Variants in ADAMTSL3 observed in about 807,000 individuals in gnomAD.
ADAMTSL3 encodes ADAMTS-like protein 3.
In ADAMTSL3, 128 loss-of-function variants were observed where a neutral mutation model predicts 201.7. That is an observed-to-expected ratio of 0.63 (90% CI 0.55 to 0.73). The LOEUF (loss-of-function observed/expected upper bound fraction) is 0.73. Ranked by LOEUF, ADAMTSL3 falls within the 30% of genes least tolerant of loss-of-function variation. The probability of loss-of-function intolerance (pLI) is 0.00; values close to 1 mark genes in which losing one functional copy is unlikely to be tolerated. For missense variants in ADAMTSL3, 1,990 were observed against 2,119.6 expected (o/e 0.94, Z 1.20); for synonymous variants, 738 against 748.4 (o/e 0.99, Z 0.23).
intron 2 of ADAMTSL3, among the ~76,000 whole-genome samples, chr15:83,661,589 T>C (rs2061164822): frequency 6.6e-6 from 1 of 152,194 alleles, no homozygotes; most frequent in African/African-American, 2.4e-5. Flanking sequence ...TGTTTGTCTT[T>C]TGTTGGTGTA....
chr15:83,773,743 G>A (rs752920159), intron 4 of ADAMTSL3, 93 bp downstream of exon 4: 2 of 1,428,006 alleles, frequency 1.4e-6, no homozygotes, highest in African/African-American at 1.4e-5. Flanking sequence ...GCTTTGGAAT[G>A]TACTGTGATG....
intron 24 of ADAMTSL3, among the ~76,000 whole-genome samples, chr15:84,016,182 A>G (rs1278395131): frequency 6.6e-6 from 1 of 152,170 alleles, no homozygotes; most frequent in African/African-American, 2.4e-5. Flanking sequence ...TAGCACAGTG[A>G]GTAACTCTAA....
intron 2 of ADAMTSL3, among the ~76,000 whole-genome samples, chr15:83,679,003 G>A (rs1490828747): frequency 6.6e-6 from 1 of 150,616 alleles, no homozygotes; most frequent in African/African-American, 2.4e-5. Flanking sequence ...GGCCTCAGAT[G>A]TTCTGTTTAT....
chr15:83,815,975 T>C (rs565729062), intron 5 of ADAMTSL3, among the ~76,000 whole-genome samples: 170 of 152,332 alleles, frequency 1.1e-3, no homozygotes, highest in African/African-American at 3.9e-3. Context: ...TAGCATCATA[T>C]GCTAAGAACA....
intron 13 of ADAMTSL3, among the ~76,000 whole-genome samples, chr15:83,895,370 C>A (rs2065590943): frequency 6.6e-6 from 1 of 152,164 alleles, no homozygotes; most frequent in Admixed American, 6.5e-5. Context: ...TAAGTCCTAG[C>A]CATATGTTTT....
At chr15:83,965,363 A>G (rs2067061875) in intron 19 of ADAMTSL3, among the ~76,000 whole-genome samples, 1 of 151,664 alleles carries the variant, frequency 6.6e-6, no homozygotes, top group South Asian at 2.1e-4. Context: ...AAAAAAAAAA[A>G]AAAAAGCAGG....
At chr15:83,965,012 C>T (rs139997276) in intron 19 of ADAMTSL3, among the ~76,000 whole-genome samples, 13,110 of 152,112 alleles carry the variant, frequency 0.086, 992 homozygotes, top group South Asian at 0.34. Flanking sequence ...TACAAGAGCT[C>T]CTGAAGGAAG....
At position 83,733,523 on chromosome 15, in the gene ADAMTSL3, T is replaced by A. The variant is rs148927172; in HGVS notation, c.189+29015T>A. Among the ~76,000 whole-genome samples the A allele has an allele frequency of 4.3e-4, 66 of 152,216 alleles. 1 individual carries two copies. In the East Asian group the frequency reaches 0.012, roughly 28 times the overall value. ...TTGGCATTTTTGTGGGCTGTGTGCA[T>A]TACATGGGTGGAATTTAATGTCATT... On this transcript the variant is annotated intron_variant, in intron 3 of 29. Coordinates refer to ENST00000286744, the MANE Select transcript of ADAMTSL3 (RefSeq NM_207517.3).
At chr15:83,723,853 C>A (rs913079328) in intron 3 of ADAMTSL3, among the ~76,000 whole-genome samples, 2 of 151,994 alleles carry the variant, frequency 1.3e-5, no homozygotes, top group African/African-American at 4.8e-5. Flanking sequence ...ATACTTTGAT[C>A]ATTAAAATAT....
At position 83,690,630 on chromosome 15, in the gene ADAMTSL3, T is replaced by C. The variant is rs559491999; in HGVS notation, c.70-13759T>C. ...TGTTCTTCCCTGTCTTGGATAGTCC[T>C]TGTCACATAGCTTCAGAATTGCCTA... On this transcript the variant is annotated intron_variant, in intron 2 of 29. Coordinates refer to ENST00000286744, the MANE Select transcript of ADAMTSL3 (RefSeq NM_207517.3). 2.6e-5 allele frequency among the ~76,000 whole-genome samples: 4 copies of C among 152,340 alleles called. No individual in the cohort carries two copies. The East Asian group carries it at 7.7e-4, about 29-fold the overall frequency.
At chr15:83,950,420 T>C (rs149413869) in intron 19 of ADAMTSL3, among the ~76,000 whole-genome samples, 481 of 152,290 alleles carry the variant, frequency 3.2e-3, no homozygotes, top group Non-Finnish European at 4.8e-3. Flanking sequence ...CTCTGTAGTA[T>C]AATTTGAAGT....
rs934323569 is a variant in ADAMTSL3 at position 83,858,727 on chromosome 15, G to A, written c.728-39G>A. 1.2e-5 allele frequency: 18 copies of A among 1,523,948 alleles called. No homozygotes were observed. The East Asian group carries it at 2.0e-4, about 17-fold the overall frequency. The allele number at this position is 1,523,948 out of a possible 1,614,324, so 94.4% of individuals were successfully genotyped here. A position where few individuals can be genotyped will look rare whatever the true frequency, so the allele number is the denominator to read the frequency against. ...TTGCTCATTTTCATGGGCCTTTAGT[G>A]TACTGGTTTTATTGCAGTTGCGTTC... On this transcript the variant is annotated intron_variant, in intron 7 of 29. Coordinates refer to ENST00000286744, the MANE Select transcript of ADAMTSL3 (RefSeq NM_207517.3).
intron 15 of ADAMTSL3, among the ~76,000 whole-genome samples, chr15:83,912,489 C>T (rs2065951651): frequency 1.3e-5 from 2 of 152,122 alleles, no homozygotes; most frequent in African/African-American, 4.8e-5. Context: ...AGATAATAAT[C>T]CGGAATAAGA....
At chr15:83,912,089 C>G (rs1382982716) in intron 15 of ADAMTSL3, among the ~76,000 whole-genome samples, 2 of 152,150 alleles carry the variant, frequency 1.3e-5, no homozygotes, top group African/African-American at 4.8e-5. Flanking sequence ...ATTAATATCT[C>G]AAGATACAAA....
At chr15:83,688,203 C>T (rs909009269) in intron 2 of ADAMTSL3, among the ~76,000 whole-genome samples, 4 of 152,158 alleles carry the variant, frequency 2.6e-5, no homozygotes, top group African/African-American at 4.8e-5. Flanking sequence ...TGAGAAAAGA[C>T]GCATACTGAG....
chr15:83,774,450 G>A (rs564992473), intron 4 of ADAMTSL3, among the ~76,000 whole-genome samples: 1 of 152,350 alleles, frequency 6.6e-6, no homozygotes, highest in South Asian at 2.1e-4. Context: ...ACATTAAACA[G>A]TGACCAAGTA....
chr15:84,037,779 G>A lies in ADAMTSL3; in HGVS notation c.5049G>A (p.Arg1683=), dbSNP rs146590527. Residue 1683 remains arginine, a synonymous_variant, in exon 30 of 30, where the codon AGG becomes AGA. Coordinates refer to ENST00000286744, the MANE Select transcript of ADAMTSL3 (RefSeq NM_207517.3). ...GTTCTCTAGACCGCTACAAACAAAG[G>A]TGCTGCCAGTCATGTCAAGAGGGAT... is the stretch of plus-strand genomic sequence containing the variant. ...NLCSLDRYKQ[R]CCQSCQEG The A allele has an allele frequency of 3.7e-6, 6 of 1,613,938 alleles. No individual in the cohort carries two copies. In the African/African-American group the frequency reaches 6.7e-5, roughly 18 times the overall value.
intron 3 of ADAMTSL3, among the ~76,000 whole-genome samples, chr15:83,748,649 CA>C (rs71156097): frequency 0.26 from 18,160 of 69,976 alleles, 691 homozygotes; most frequent in Middle Eastern, 0.32. Context: ...GACCCTGTCT[CA>C]AAAAAAAAAA....
chr15:83,821,486 C>A (rs1362856370), intron 6 of ADAMTSL3, among the ~76,000 whole-genome samples: 1 of 151,660 alleles, frequency 6.6e-6, no homozygotes, highest in African/African-American at 2.4e-5. Flanking sequence ...TAACAAAGCA[C>A]GTCTTGCACC....
Sources: gnomAD v4.1 joint callset for allele counts (sites outside exome capture counted in the v4.1 genomes callset) on GRCh38, gnomAD v4.1.1 for gene constraint, MANE v1.5 for transcripts, NCBI Gene and HGNC (gene_info 2026-07-23, HGNC 2026-07-21) for gene names.